SEC24D: variants seen among roughly 807,000 people sequenced by gnomAD.
SEC24D encodes protein transport protein Sec24D.
In SEC24D, 69 loss-of-function variants were observed where a neutral mutation model predicts 116.9. The ratio of observed to expected loss-of-function variants is 0.59; its 90% CI spans 0.49 to 0.72. SEC24D has a LOEUF of 0.72. SEC24D is among the 30% of genes least tolerant of loss of function. The probability of loss-of-function intolerance (pLI) is 0.00; values close to 1 mark genes in which losing one functional copy is unlikely to be tolerated. For synonymous variants in SEC24D, 405 were observed against 442.8 expected, an observed-to-expected ratio of 0.91 and a Z score of 1.07; for missense variants, 1,131 against 1,264.1, an observed-to-expected ratio of 0.89 and a Z score of 1.60.
chr4:118,739,134 T>G lies in SEC24D; in HGVS notation c.2377+15A>C. 6.2e-7 allele frequency: 1 copy of G among 1,612,730 alleles called. No homozygotes were observed. Among genetic ancestry groups the G allele is most frequent in the East Asian group, 2.2e-5 (1 of 44,826 alleles). ...AAGCAAGGTTTACTGAACCTCAGGATTGGCAAAGTGTTACCTGACTTGGCA... is the reference window on the plus strand; with the variant it reads ...AAGCAAGGTTTACTGAACCTCAGGAGTGGCAAAGTGTTACCTGACTTGGCA... On this transcript the variant is annotated intron_variant, in intron 18 of 22. Transcript: ENST00000280551.
At chr4:118,728,295 C>T (rs1253214812) in intron 22 of SEC24D, among the ~76,000 whole-genome samples, 1 of 152,134 alleles carries the variant, frequency 6.6e-6, no homozygotes, top group African/African-American at 2.4e-5. Flanking sequence ...GTTAATGGTA[C>T]CAATTGCTAT....
intron 13 of SEC24D, among the ~76,000 whole-genome samples, chr4:118,751,500 A>T (rs1726833627): frequency 6.6e-6 from 1 of 152,056 alleles, no homozygotes; most frequent in Admixed American, 6.6e-5. Flanking sequence ...TCTTCAGTTT[A>T]CTGTCTTCAT....
rs571138547 is a variant in SEC24D, at chr4:118,828,849, C to T, written c.119-4100G>A. Among the ~76,000 whole-genome samples, 88 of 152,310 alleles carry T rather than the reference C, an allele frequency of 5.8e-4. 1 individual carries two copies. In the South Asian group the frequency reaches 0.018, roughly 30 times the overall value. ...GTCTAAATTCCTTAAAATGATCCCA[C>T]ATTCCCCCGCCAATGGCATCTCTCA... On this transcript the variant is annotated intron_variant, in intron 2 of 22. Transcript: ENST00000280551.
intron 9 of SEC24D, among the ~76,000 whole-genome samples, chr4:118,766,975 A>G (rs1727672141): frequency 6.6e-6 from 1 of 151,946 alleles, no homozygotes; most frequent in Non-Finnish European, 1.5e-5. Context: ...AGAACTAACA[A>G]TCTGGTCTCA....
intron 22 of SEC24D, among the ~76,000 whole-genome samples, chr4:118,727,197 A>G (rs1408216349): frequency 6.6e-6 from 1 of 152,212 alleles, no homozygotes; most frequent in Non-Finnish European, 1.5e-5. Context: ...GATATTTCTA[A>G]TTCTTTATAG....
chr4:118,748,885 G>T (rs7666673), intron 13 of SEC24D, among the ~76,000 whole-genome samples: 2,658 of 152,156 alleles, frequency 0.017, 73 homozygotes, highest in African/African-American at 0.055. Context: ...TTTGTGCAAG[G>T]AGCATTGTTT....
At chr4:118,809,520 C>T (rs1419386977) in intron 6 of SEC24D, among the ~76,000 whole-genome samples, 2 of 152,154 alleles carry the variant, frequency 1.3e-5, no homozygotes, top group Non-Finnish European at 2.9e-5. Context: ...AATAGGAATA[C>T]AAACAGGCTC....
At chr4:118,750,354 G>A (rs141455254) in intron 13 of SEC24D, among the ~76,000 whole-genome samples, 47 of 152,222 alleles carry the variant, frequency 3.1e-4, no homozygotes, top group Non-Finnish European at 1.9e-4. Context: ...ACCTCTTGTG[G>A]ACTGCCAATG....
intron 10 of SEC24D, among the ~76,000 whole-genome samples, chr4:118,764,047 G>A (rs1482609290): frequency 6.6e-6 from 1 of 152,164 alleles, no homozygotes; most frequent in Non-Finnish European, 1.5e-5. Context: ...AGAATGGAAA[G>A]ATACTCTGGT....
chr4:118,747,446 A>C lies in SEC24D; in HGVS notation c.1708-2386T>G, dbSNP rs147148264. ...CACGCCCAGCTATTTTTGTATTTTT[A>C]GTAGAGATGGGGCTTCTCCATGTTG... On this transcript the variant is annotated intron_variant, in intron 13 of 22. Coordinates refer to ENST00000280551, the MANE Select transcript of SEC24D (RefSeq NM_014822.4). Among the ~76,000 whole-genome samples, 43 of 151,978 alleles carry C rather than the reference A, an allele frequency of 2.8e-4. 2 individuals are homozygous for C. In the East Asian group the frequency reaches 8.3e-3, roughly 29 times the overall value.
At chr4:118,817,238 A>C (rs1307332821) in intron 4 of SEC24D, 26 bp downstream of exon 4, 5 of 1,572,180 alleles carry the variant, frequency 3.2e-6, no homozygotes, top group Non-Finnish European at 4.3e-6. Context: ...AAGGCAGTCA[A>C]TAAACACTAA....
intron 9 of SEC24D, among the ~76,000 whole-genome samples, chr4:118,765,166 T>C (rs902670920): frequency 6.6e-6 from 1 of 152,170 alleles, no homozygotes; most frequent in Non-Finnish European, 1.5e-5. Flanking sequence ...AGAAACAGGG[T>C]ATAAAAGTAT....
chr4:118,742,121 T>A (rs527441399), intron 15 of SEC24D, among the ~76,000 whole-genome samples: 24 of 152,062 alleles, frequency 1.6e-4, no homozygotes, highest in African/African-American at 5.1e-4. Context: ...CAAGTAAATA[T>A]CCTTTTATAT....
Position 118,744,600 on chromosome 4 carries a change from A to G in SEC24D, c.1824+344T>C, listed in dbSNP as rs112529235. ...TTTGAGAACCCCACACCTGTGCTTCATGCCTCAGGCCTCTGCCGCCAAGGG... is the reference window on the plus strand; with the variant it reads ...TTTGAGAACCCCACACCTGTGCTTCGTGCCTCAGGCCTCTGCCGCCAAGGG... On this transcript the variant is annotated intron_variant, in intron 14 of 22. Transcript: ENST00000280551. Among the ~76,000 whole-genome samples the G allele has an allele frequency of 5.3e-5, 8 of 152,316 alleles. 1 individual carries two copies. The highest frequency in any genetic ancestry group is 1.9e-4 in the African/African-American group (8 of 41,574).
intron 7 of SEC24D, among the ~76,000 whole-genome samples, chr4:118,801,191 G>A (rs910250263): frequency 1.3e-5 from 2 of 152,068 alleles, no homozygotes; most frequent in Non-Finnish European, 2.9e-5. Flanking sequence ...GAACCTGGGA[G>A]GCGGAGCTTG....
chr4:118,810,572 T>C (rs1729880171), intron 6 of SEC24D, among the ~76,000 whole-genome samples: 1 of 152,328 alleles, frequency 6.6e-6, no homozygotes, highest in South Asian at 2.1e-4. Context: ...AGAGTGGTGC[T>C]TTGCACACTT....
intron 8 of SEC24D, among the ~76,000 whole-genome samples, chr4:118,776,736 T>C (rs913448037): frequency 6.6e-6 from 1 of 152,172 alleles, no homozygotes; most frequent in African/African-American, 2.4e-5. Flanking sequence ...CCTACTGTAA[T>C]TTATCTTTTA....
intron 9 of SEC24D, among the ~76,000 whole-genome samples, chr4:118,767,299 G>A (rs1727688207): frequency 6.6e-6 from 1 of 152,196 alleles, no homozygotes; most frequent in Non-Finnish European, 1.5e-5. Context: ...GATGTAGGAG[G>A]AATACTGTCC....
chr4:118,830,423 A>G (rs1730795451), intron 2 of SEC24D, among the ~76,000 whole-genome samples: 1 of 152,248 alleles, frequency 6.6e-6, no homozygotes, highest in South Asian at 2.1e-4. Context: ...GCTAGGCAAC[A>G]GAGCAAAACC....
Sources: gnomAD v4.1 joint callset for allele counts (sites outside exome capture counted in the v4.1 genomes callset) on GRCh38, gnomAD v4.1.1 for gene constraint, MANE v1.5 for transcripts, NCBI Gene and HGNC (gene_info 2026-07-23, HGNC 2026-07-21) for gene names.